EHMT1: variants seen among roughly 807,000 people sequenced by gnomAD.
The protein encoded by EHMT1 is euchromatic histone lysine methyltransferase 1.
A neutral mutation model predicts 147.2 loss-of-function variants in EHMT1; 15 were observed. The ratio of observed to expected loss-of-function variants is 0.10; its 90% CI spans 0.07 to 0.16. EHMT1 has a LOEUF of 0.16. Among genes scored for constraint, EHMT1 ranks in the 10% least tolerant of loss-of-function variants. EHMT1 has a pLI of 1.00. For synonymous variants in EHMT1, 795 were observed against 709.6 expected, an observed-to-expected ratio of 1.12 and a Z score of -1.91; for missense variants, 1,587 against 1,772.4, an observed-to-expected ratio of 0.90 and a Z score of 1.88.
intron 1 of EHMT1, among the ~76,000 whole-genome samples, chr9:137,628,824 G>A (rs1215910092): frequency 6.6e-6 from 1 of 152,206 alleles, no homozygotes; most frequent in Non-Finnish European, 1.5e-5. Flanking sequence ...AGCCAGAGGT[G>A]GGGCTAGAGC....
At chr9:137,829,647 C>T (rs1956059083) in intron 25 of EHMT1, among the ~76,000 whole-genome samples, 1 of 152,240 alleles carries the variant, frequency 6.6e-6, no homozygotes, top group African/African-American at 2.4e-5. Context: ...TGGCACATCC[C>T]AGAAGTTTCT....
intron 6 of EHMT1, among the ~76,000 whole-genome samples, chr9:137,750,706 T>C (rs780554813): frequency 6.6e-6 from 1 of 150,776 alleles, no homozygotes; most frequent in Non-Finnish European, 1.5e-5. Context: ...CCCTCTGGAG[T>C]AGTGGTGGGG....
intron 22 of EHMT1, 179 bp downstream of exon 22, chr9:137,814,687 C>A: frequency 1.4e-6 from 1 of 709,828 alleles, no homozygotes; most frequent in East Asian, 2.7e-5. Context: ...GAGTCAGGGT[C>A]GTGAGCCGAG....
At chr9:137,766,866 C>T (rs1328080146) in intron 10 of EHMT1, among the ~76,000 whole-genome samples, 2 of 151,974 alleles carry the variant, frequency 1.3e-5, no homozygotes, top group Non-Finnish European at 2.9e-5. Flanking sequence ...TCACTTGGAC[C>T]CCCAGGCTGG....
intron 1 of EHMT1, among the ~76,000 whole-genome samples, chr9:137,672,496 C>T (rs767583574): frequency 6.8e-6 from 1 of 147,380 alleles, no homozygotes; most frequent in Non-Finnish European, 1.5e-5. Context: ...GTAACACTAA[C>T]TTGGTGCCAT....
At chr9:137,688,331 G>T (rs1044196002) in intron 1 of EHMT1, among the ~76,000 whole-genome samples, 1 of 152,148 alleles carries the variant, frequency 6.6e-6, no homozygotes, top group Non-Finnish European at 1.5e-5. Context: ...GCGTGGAACT[G>T]TTCTTGAAAT....
chr9:137,834,900 C>T lies in EHMT1; in HGVS notation c.3844C>T (p.Gln1282Ter). 1 of 1,601,700 alleles carries T rather than the reference C, an allele frequency of 6.2e-7. No individual in the cohort carries two copies. Among genetic ancestry groups the T allele is most frequent in the Non-Finnish European group, 8.5e-7 (1 of 1,175,230 alleles). ...QRQASAAQEA[Q>*]EDGLPDTSSA... ...TCAGGCCAGCGCGGCCCAGGAGGCCCAGGAGGACGGCTTGCCCGACACCAG... is the reference window on the plus strand; with the variant it reads ...TCAGGCCAGCGCGGCCCAGGAGGCCTAGGAGGACGGCTTGCCCGACACCAG... Residue 1282 changes from glutamine to a stop codon, truncating the protein, a stop_gained, in exon 27 of 27, where the codon CAG becomes TAG. Coordinates refer to ENST00000460843, the MANE Select transcript of EHMT1 (RefSeq NM_024757.5). LOFTEE classifies it high-confidence loss of function.
intron 1 of EHMT1, chr9:137,697,172 T>A (rs773009787): frequency 1.7e-5 from 6 of 346,600 alleles, no homozygotes; most frequent in Admixed American, 3.0e-5. Context: ...TCCCAGCTAC[T>A]TGGGAGGCTG....
intron 1 of EHMT1, among the ~76,000 whole-genome samples, chr9:137,636,689 A>G (rs1844095658): frequency 6.6e-6 from 1 of 152,086 alleles, no homozygotes; most frequent in Non-Finnish European, 1.5e-5. Flanking sequence ...GGTGTCTTAC[A>G]TAGATTTTCA....
chr9:137,632,250 C>T (rs191632518), intron 1 of EHMT1, among the ~76,000 whole-genome samples: 2 of 152,284 alleles, frequency 1.3e-5, no homozygotes, highest in Non-Finnish European at 2.9e-5. Flanking sequence ...TATGTTAGAG[C>T]TGGCTCTGCC....
At chr9:137,636,679 G>A (rs767965462) in intron 1 of EHMT1, among the ~76,000 whole-genome samples, 10 of 151,882 alleles carry the variant, frequency 6.6e-5, no homozygotes, top group Non-Finnish European at 1.5e-4. Flanking sequence ...TTATTGATAT[G>A]GTGTCTTACA....
At chr9:137,652,176 G>A (rs1937911583) in intron 1 of EHMT1, among the ~76,000 whole-genome samples, 1 of 152,190 alleles carries the variant, frequency 6.6e-6, no homozygotes, top group South Asian at 2.1e-4. Flanking sequence ...TCTTCTAGGG[G>A]ACAAGATGTG....
intron 10 of EHMT1, among the ~76,000 whole-genome samples, chr9:137,766,684 T>A (rs1227603374): frequency 6.6e-6 from 1 of 152,238 alleles, no homozygotes; most frequent in African/African-American, 2.4e-5. Flanking sequence ...TTAACATAGC[T>A]ACTCAGCTTT....
intron 25 of EHMT1, among the ~76,000 whole-genome samples, chr9:137,827,666 C>A (rs918076007): frequency 6.6e-6 from 1 of 152,206 alleles, no homozygotes; most frequent in African/African-American, 2.4e-5. Context: ...TCCCCACTGA[C>A]TGCCCCCCTC....
intron 1 of EHMT1, among the ~76,000 whole-genome samples, chr9:137,635,009 T>C (rs964101800): frequency 8.6e-5 from 13 of 151,022 alleles, no homozygotes; most frequent in Non-Finnish European, 1.3e-4. Context: ...TGTGAGCCAC[T>C]GCGCCCGGCT....
At chr9:137,767,298 A>G (rs1251645104) in intron 10 of EHMT1, among the ~76,000 whole-genome samples, 9 of 152,168 alleles carry the variant, frequency 5.9e-5, no homozygotes, top group Admixed American at 2.0e-4. Flanking sequence ...CCTTTTATCT[A>G]ACATAGTCAC....
chr9:137,762,979 T>A (rs539714169), intron 10 of EHMT1, 159 bp downstream of exon 10: 2 of 893,448 alleles, frequency 2.2e-6, no homozygotes, highest in African/African-American at 1.7e-5. Flanking sequence ...ATCCCAACAG[T>A]GAAATCACGG....
intron 10 of EHMT1, 132 bp downstream of exon 10, chr9:137,762,952 C>T: frequency 1.7e-6 from 2 of 1,170,268 alleles, no homozygotes; most frequent in Non-Finnish European, 2.5e-6. Context: ...GGATTCTGCG[C>T]AGAACCAATC....
At chr9:137,669,345 A>AGCACGTGCACTCACCAACT (rs1564562465) in intron 1 of EHMT1, among the ~76,000 whole-genome samples, 184 of 9,070 alleles carry the variant, frequency 0.02, 40 homozygotes, top group South Asian at 0.042. Context: ...TGGACCCCAC[A>AGCACGTGCACTCACCAACT]CCACCCAAGA....
Sources: allele counts gnomAD v4.1 joint callset (sites outside exome capture counted in the v4.1 genomes callset), GRCh38; gene constraint gnomAD v4.1.1; transcripts MANE v1.5; gene names NCBI Gene and HGNC (gene_info 2026-07-23, HGNC 2026-07-21).